Variants in ETV6 observed in about 807,000 individuals in gnomAD.
The protein encoded by ETV6 is transcription factor ETV6.
A neutral mutation model predicts 51.1 loss-of-function variants in ETV6; 16 were observed. That is an observed-to-expected ratio of 0.31 (90% confidence interval 0.21 to 0.48). The LOEUF is 0.48. Among genes scored for constraint, ETV6 ranks in the 20% least tolerant of loss-of-function variants. ETV6 has a pLI of 0.99. For synonymous variants in ETV6, 240 were observed against 224.1 expected (o/e 1.07, Z -0.64); for missense variants, 458 against 594.8 (o/e 0.77, Z 2.39).
chr12:11,840,633 CG>C (rs1283291170), intron 3 of ETV6: 1 of 391,390 alleles, frequency 2.6e-6, no homozygotes, highest in Non-Finnish European at 5.1e-6. Context: ...CCCCAGCACC[CG>C]TATCTCCACT....
At chr12:11,886,069 T>G in intron 7 of ETV6, 43 bp downstream of exon 7, 1 of 1,434,946 alleles carries the variant, frequency 7.0e-7, no homozygotes, top group African/African-American at 1.4e-5. Context: ...GGGAGGATGC[T>G]GTTTTCTTTA....
chr12:11,716,663 A>C (rs898730336), intron 1 of ETV6: 1 of 152,222 alleles, frequency 6.6e-6, no homozygotes, highest in African/African-American at 2.4e-5. Flanking sequence ...GCATTTCTCT[A>C]TCTCTGAAAT....
chr12:11,890,441 T>C (rs77014784), intron 7 of ETV6, among the ~76,000 whole-genome samples: 23 of 149,684 alleles, frequency 1.5e-4, no homozygotes, highest in African/African-American at 2.2e-4. Context: ...TTTTTTTTTT[T>C]CCAATAATTA....
intron 1 of ETV6, among the ~76,000 whole-genome samples, chr12:11,721,614 C>T (rs1865389241): frequency 6.6e-6 from 1 of 152,134 alleles, no homozygotes; most frequent in Non-Finnish European, 1.5e-5. Flanking sequence ...TCAGAAACTA[C>T]CTCTTGGGTA....
intron 4 of ETV6, among the ~76,000 whole-genome samples, chr12:11,865,076 C>G (rs193150041): frequency 6.6e-6 from 1 of 152,018 alleles, no homozygotes; most frequent in South Asian, 2.1e-4. Context: ...ATGGTGAAAC[C>G]CTGTCTTTAC....
intron 2 of ETV6, among the ~76,000 whole-genome samples, chr12:11,819,452 G>A (rs1456787739): frequency 6.6e-6 from 1 of 152,186 alleles, no homozygotes; most frequent in African/African-American, 2.4e-5. Context: ...TCAGTGCGAT[G>A]GGGACTTCCA....
intron 1 of ETV6, among the ~76,000 whole-genome samples, chr12:11,670,366 A>G (rs957321382): frequency 6.6e-6 from 1 of 152,242 alleles, no homozygotes; most frequent in Non-Finnish European, 1.5e-5. Flanking sequence ...CGTTTGGGTA[A>G]GAAACTCAGT....
chr12:11,675,385 A>G (rs1305085266), intron 1 of ETV6, among the ~76,000 whole-genome samples: 1 of 152,238 alleles, frequency 6.6e-6, no homozygotes, highest in Non-Finnish European at 1.5e-5. Context: ...GAGCAAGTGC[A>G]TCTATACATT....
chr12:11,754,556 T>G (rs1246260090), intron 2 of ETV6, among the ~76,000 whole-genome samples: 1 of 152,234 alleles, frequency 6.6e-6, no homozygotes, highest in African/African-American at 2.4e-5. Context: ...GTTCTGCTGT[T>G]CGACTGTGGG....
chr12:11,848,650 ATAT>A (rs1946502528), intron 3 of ETV6, among the ~76,000 whole-genome samples: 1 of 152,252 alleles, frequency 6.6e-6, no homozygotes, highest in Admixed American at 6.5e-5. Context: ...ACCCAGGAGT[ATAT>A]CTAGATTTTA....
intron 2 of ETV6, among the ~76,000 whole-genome samples, chr12:11,828,884 G>A (rs916885816): frequency 7.9e-5 from 12 of 151,964 alleles, no homozygotes; most frequent in Non-Finnish European, 1.0e-4. Context: ...AAAATATTGC[G>A]TTACATGACT....
chr12:11,884,129 G>A (rs546364807), intron 5 of ETV6, among the ~76,000 whole-genome samples: 32 of 152,240 alleles, frequency 2.1e-4, no homozygotes, highest in Non-Finnish European at 3.8e-4. Context: ...CTTGCCTCCC[G>A]TCTTTCACAT....
At chr12:11,859,609 G>A (rs1161381072) in intron 4 of ETV6, among the ~76,000 whole-genome samples, 1 of 152,158 alleles carries the variant, frequency 6.6e-6, no homozygotes, top group African/African-American at 2.4e-5. Flanking sequence ...TAAAGATTAA[G>A]AGCAATAAAG....
chr12:11,675,199 G>A (rs1864399623), intron 1 of ETV6, among the ~76,000 whole-genome samples: 3 of 152,116 alleles, frequency 2.0e-5, no homozygotes, highest in Admixed American at 6.5e-5. Context: ...AGCACCTGTA[G>A]CTCCCAGGTG....
chr12:11,702,463 T>C (rs1439101113), intron 1 of ETV6, among the ~76,000 whole-genome samples: 2 of 152,154 alleles, frequency 1.3e-5, no homozygotes, highest in Non-Finnish European at 2.9e-5. Flanking sequence ...AAGGATAGTT[T>C]TTCATAGTCT....
intron 7 of ETV6, among the ~76,000 whole-genome samples, chr12:11,888,398 C>CTTTTCTTTTCTTTTT (rs753710183): frequency 1.2e-5 from 1 of 80,688 alleles, no homozygotes; most frequent in African/African-American, 4.5e-5. Context: ...CTTTTCTTTT[C>CTTTTCTTTTCTTTTT]TTTTTTTTTT....
At chr12:11,677,631 A>G (rs1316286730) in intron 1 of ETV6, among the ~76,000 whole-genome samples, 5 of 152,214 alleles carry the variant, frequency 3.3e-5, no homozygotes, top group African/African-American at 1.2e-4. Flanking sequence ...TACATGCTGG[A>G]CATTATCAGA....
intron 4 of ETV6, among the ~76,000 whole-genome samples, chr12:11,868,609 G>A (rs753187742): frequency 1.3e-5 from 2 of 151,334 alleles, no homozygotes; most frequent in Non-Finnish European, 2.9e-5. Context: ...AGCCAGGAGT[G>A]CTATAAGTTT....
rs2855739 is a variant in ETV6 at position 11,837,387 on chromosome 12, T to C, written c.164-1753T>C. 5.1e-3 allele frequency among the ~76,000 whole-genome samples: 776 copies of C among 152,244 alleles called. 4 individuals carry two copies. The highest frequency in any genetic ancestry group is 0.02 in the Middle Eastern group (6 of 294). ...CCCAGTAGTTCTTTTTTTGGTGCAC[T>C]ACAAAAAAGGAATTTTGGTTTTGAG... On this transcript the variant is annotated intron_variant, in intron 2 of 7. Coordinates refer to ENST00000396373, the MANE Select transcript of ETV6 (RefSeq NM_001987.5).
Sources: allele counts gnomAD v4.1 joint callset (sites outside exome capture counted in the v4.1 genomes callset), GRCh38; gene constraint gnomAD v4.1.1; transcripts MANE v1.5; gene names NCBI Gene and HGNC (gene_info 2026-07-23, HGNC 2026-07-21).